Variants in MCTP1 observed in about 807,000 individuals in gnomAD.
MCTP1 encodes the protein multiple C2 and transmembrane domain-containing protein 1.
A neutral mutation model predicts 120.6 loss-of-function variants in MCTP1; 69 were observed. The observed-to-expected ratio is 0.57, with a 90% CI of 0.47 to 0.70. MCTP1 has a LOEUF of 0.70. MCTP1 is among the 30% of genes least tolerant of loss of function. MCTP1 has a pLI of 0.00. For missense variants in MCTP1, 1,203 were observed against 1,248.8 expected (o/e 0.96, Z 0.55); for synonymous variants, 529 against 493.1 (o/e 1.07, Z -0.96).
At chr5:95,135,598 A>T (rs967739656) in intron 1 of MCTP1, among the ~76,000 whole-genome samples, 2 of 152,304 alleles carry the variant, frequency 1.3e-5, no homozygotes, top group East Asian at 3.9e-4. Context: ...AAGAAGCAAG[A>T]CTGGCCTAGC....
chr5:95,087,089 G>A (rs1037935245), intron 1 of MCTP1, among the ~76,000 whole-genome samples: 3 of 152,166 alleles, frequency 2.0e-5, no homozygotes, highest in African/African-American at 4.8e-5. Flanking sequence ...ATAGAGAAGC[G>A]TGGCCAGCAG....
At chr5:94,865,398 C>T (rs1796617094) in intron 17 of MCTP1, among the ~76,000 whole-genome samples, 1 of 151,668 alleles carries the variant, frequency 6.6e-6, no homozygotes, top group South Asian at 2.1e-4. Flanking sequence ...CTGACTTGGG[C>T]CTAAAACCAA....
rs184783085 is a variant in MCTP1, at chr5:95,170,564, T to C, written c.720+113292A>G. On this transcript the variant is annotated intron_variant, in intron 1 of 22. Coordinates refer to ENST00000515393, the MANE Select transcript of MCTP1 (RefSeq NM_024717.7). ...GAGTCTAAGTCTCTTTGTAAGTCTC[T>C]AAGGACTTGCTTTATGAATCTGGGT... Among the ~76,000 whole-genome samples, 1,134 of 152,334 alleles carry C rather than the reference T, an allele frequency of 7.4e-3. 8 individuals are homozygous for C. The highest frequency in any genetic ancestry group is 0.014 in the Middle Eastern group (4 of 294).
intron 11 of MCTP1, 132 bp from the exon 12 acceptor site, chr5:94,889,104 ATT>A (rs963281674): frequency 1.6e-5 from 7 of 442,964 alleles, no homozygotes; most frequent in South Asian, 7.3e-5. Context: ...AAACTAACTA[ATT>A]TTTTTTTTTA....
chr5:94,740,294 T>C (rs1424145538), intron 19 of MCTP1, among the ~76,000 whole-genome samples: 7 of 152,210 alleles, frequency 4.6e-5, no homozygotes, highest in Non-Finnish European at 1.0e-4. Flanking sequence ...TTTGTTGAAT[T>C]TGATTTTTTT....
At chr5:95,280,082 A>C (rs1243887684) in intron 1 of MCTP1, among the ~76,000 whole-genome samples, 1 of 152,254 alleles carries the variant, frequency 6.6e-6, no homozygotes, top group Non-Finnish European at 1.5e-5. Flanking sequence ...TGCAAAAATC[A>C]ACCCAAGTCA....
chr5:95,118,761 CA>C (rs1270444357), intron 1 of MCTP1, among the ~76,000 whole-genome samples: 1 of 152,020 alleles, frequency 6.6e-6, no homozygotes, highest in Non-Finnish European at 1.5e-5. Flanking sequence ...AAGTAGATTT[CA>C]AGACAAAAAT....
At chr5:94,951,244 A>C (rs1184115173) in intron 3 of MCTP1, among the ~76,000 whole-genome samples, 3 of 152,102 alleles carry the variant, frequency 2.0e-5, no homozygotes, top group African/African-American at 7.2e-5. Context: ...TTTTTTGTTT[A>C]TTTCTTTTTG....
intron 1 of MCTP1, chr5:95,081,400 A>T: frequency 1.2e-6 from 2 of 1,603,656 alleles, no homozygotes; most frequent in Admixed American, 3.4e-5. Context: ...ACCACAATCC[A>T]GTGAGTAAAC....
chr5:94,759,922 AAAGC>A (rs1216937863), intron 19 of MCTP1, among the ~76,000 whole-genome samples: 1 of 148,978 alleles, frequency 6.7e-6, no homozygotes, highest in Non-Finnish European at 1.5e-5. Flanking sequence ...AAAAAAAAAA[AAAGC>A]AGAGTGACAG....
chr5:94,775,286 C>T (rs756688768), intron 19 of MCTP1, among the ~76,000 whole-genome samples: 1 of 152,132 alleles, frequency 6.6e-6, no homozygotes, highest in East Asian at 1.9e-4. Context: ...TTCCTGATAT[C>T]GCAGCTGGAT....
chr5:94,999,882 T>C (rs1221384637), intron 2 of MCTP1, among the ~76,000 whole-genome samples: 1 of 152,152 alleles, frequency 6.6e-6, no homozygotes, highest in Admixed American at 6.6e-5. Context: ...GTGTTATAGA[T>C]AAACACTGGA....
intron 2 of MCTP1, among the ~76,000 whole-genome samples, chr5:94,992,478 T>C (rs781035674): frequency 2.6e-4 from 40 of 152,320 alleles, no homozygotes; most frequent in Admixed American, 3.3e-4. Context: ...ACCAGACCTG[T>C]GCTGTAGCAA....
intron 2 of MCTP1, among the ~76,000 whole-genome samples, chr5:94,987,494 C>T (rs1830628697): frequency 6.6e-6 from 1 of 152,084 alleles, no homozygotes; most frequent in African/African-American, 2.4e-5. Flanking sequence ...TTTTCATGAC[C>T]TCTGTTGAAT....
At position 95,077,617 on chromosome 5, in the gene MCTP1, C is replaced by T. The variant is rs561457045; in HGVS notation, c.721-60133G>A. Among the ~76,000 whole-genome samples the T allele has an allele frequency of 7.9e-5, 12 of 152,130 alleles. No individual in the cohort carries two copies. In the East Asian group the frequency reaches 1.7e-3, roughly 22 times the overall value. ...CCTGCCGAGTAGCTGGGACTACAGG[C>T]GCTCGCCACCACGCCCAGCTAATTG... On this transcript the variant is annotated intron_variant, in intron 1 of 22. Transcript: ENST00000515393.
chr5:95,182,618 G>T (rs1748728876), intron 1 of MCTP1, among the ~76,000 whole-genome samples: 3 of 151,954 alleles, frequency 2.0e-5, no homozygotes, highest in South Asian at 2.1e-4. Flanking sequence ...CAATCATTTT[G>T]CATGGTTTCA....
At chr5:95,018,442 G>T (rs1423493275) in intron 1 of MCTP1, among the ~76,000 whole-genome samples, 1 of 151,090 alleles carries the variant, frequency 6.6e-6, no homozygotes, top group Non-Finnish European at 1.5e-5. Context: ...CAATAAAGCA[G>T]CATTTAAACA....
intron 19 of MCTP1, among the ~76,000 whole-genome samples, chr5:94,766,039 G>C (rs998650490): frequency 6.6e-6 from 1 of 152,154 alleles, no homozygotes; most frequent in African/African-American, 2.4e-5. Flanking sequence ...GAGGTCAGGA[G>C]TTCAAGACCA....
intron 6 of MCTP1, among the ~76,000 whole-genome samples, chr5:94,925,329 C>T (rs1205315419): frequency 6.6e-6 from 1 of 152,124 alleles, no homozygotes; most frequent in African/African-American, 2.4e-5. Flanking sequence ...GAAAACTTAT[C>T]TTAAAGCATA....
Sources: gnomAD v4.1 joint callset for allele counts (sites outside exome capture counted in the v4.1 genomes callset) on GRCh38, gnomAD v4.1.1 for gene constraint, MANE v1.5 for transcripts, NCBI Gene and HGNC (gene_info 2026-07-23, HGNC 2026-07-21) for gene names.